ARID1B: variants seen among roughly 807,000 people sequenced by gnomAD.
ARID1B encodes AT-rich interaction domain 1B, also known as AT-rich interactive domain-containing protein 1B.
ARID1B carries 30 observed loss-of-function variants against 212.3 expected under a neutral mutation model. The observed-to-expected ratio is 0.14, with a 90% CI of 0.11 to 0.19. ARID1B has a LOEUF of 0.19. Ranked by LOEUF, ARID1B falls within the 10% of genes least tolerant of loss-of-function variation. The probability of loss-of-function intolerance (pLI) is 1.00; values close to 1 mark genes in which losing one functional copy is unlikely to be tolerated. For missense variants in ARID1B, 2,891 were observed against 3,204.0 expected (o/e 0.90, Z 2.36); for synonymous variants, 1,402 against 1,301.7 (o/e 1.08, Z -1.66).
rs1035771303 is a variant in ARID1B, at chr6:157,114,971, C to T, written c.2581+4410C>T. On this transcript the variant is annotated intron_variant, in intron 6 of 19. Transcript: ENST00000636930. ...TCTTTTCTACTTGGTCCTGTGTTCC[C>T]GTTCAGGAAGAGCATATGTTAATAA... Among the ~76,000 whole-genome samples the T allele has an allele frequency of 2.0e-5, 3 of 152,278 alleles. No individual in the cohort carries two copies. In the South Asian group the frequency reaches 6.2e-4, roughly 32 times the overall value.
At chr6:157,178,273 GAAA>G (rs543085984) in intron 11 of ARID1B, among the ~76,000 whole-genome samples, 1 of 149,218 alleles carries the variant, frequency 6.7e-6, no homozygotes, top group Admixed American at 6.7e-5. Flanking sequence ...ATCACTCATG[GAAA>G]AAAAAAATGC....
chr6:157,133,359 CT>C, intron 7 of ARID1B, 152 bp downstream of exon 7: 1 of 820,052 alleles, frequency 1.2e-6, no homozygotes, highest in Non-Finnish European at 1.8e-6. Context: ...GCCCACAGTA[CT>C]TTAGCTGCCC....
intron 1 of ARID1B, among the ~76,000 whole-genome samples, chr6:156,810,000 T>C (rs1363324602): frequency 6.6e-6 from 1 of 152,176 alleles, no homozygotes; most frequent in African/African-American, 2.4e-5. Context: ...GGAATCAGAT[T>C]CAGGAGGGAG....
At chr6:157,008,749 C>A (rs552093894) in intron 4 of ARID1B, among the ~76,000 whole-genome samples, 1 of 151,876 alleles carries the variant, frequency 6.6e-6, no homozygotes, top group Non-Finnish European at 1.5e-5. Flanking sequence ...GGTACGGGAT[C>A]GGCGGGGGAG....
At chr6:156,803,000 G>A (rs1211588783) in intron 1 of ARID1B, among the ~76,000 whole-genome samples, 1 of 152,062 alleles carries the variant, frequency 6.6e-6, no homozygotes, top group African/African-American at 2.4e-5. Flanking sequence ...ATGTTTCCAT[G>A]TAGTTTTTAT....
chr6:156,988,741 A>G (rs1371140513), intron 4 of ARID1B, among the ~76,000 whole-genome samples: 1 of 152,170 alleles, frequency 6.6e-6, no homozygotes. Context: ...CACTTCCGAC[A>G]CACTTCAGCA....
intron 11 of ARID1B, among the ~76,000 whole-genome samples, chr6:157,180,377 A>C (rs1457330647): frequency 1.3e-5 from 2 of 149,558 alleles, no homozygotes; most frequent in African/African-American, 2.5e-5. Context: ...CTAAAAAAAA[A>C]AAACAAAAAA....
intron 1 of ARID1B, among the ~76,000 whole-genome samples, chr6:156,817,070 G>A (rs539833571): frequency 3.9e-4 from 58 of 147,108 alleles, no homozygotes; most frequent in Admixed American, 3.0e-3. Flanking sequence ...CATCCCATTT[G>A]CCCTTTAATT....
intron 5 of ARID1B, among the ~76,000 whole-genome samples, chr6:157,107,024 T>G (rs2128508462): frequency 6.6e-6 from 1 of 152,360 alleles, no homozygotes; most frequent in African/African-American, 2.4e-5. Flanking sequence ...CAAAAAATAC[T>G]TAACCAACTA....
chr6:157,060,264 A>G lies in ARID1B; in HGVS notation c.2248-24398A>G, dbSNP rs1783253355. Among the ~76,000 whole-genome samples the G allele has an allele frequency of 2.0e-5, 3 of 152,190 alleles. No individual in the cohort carries two copies. The South Asian group carries it at 6.2e-4, about 32-fold the overall frequency. On this transcript the variant is annotated intron_variant, in intron 4 of 19. Transcript: ENST00000636930. ...CTCTCAGCTCTGAATTCAGAAACCA[A>G]TACGATGGTAAAGCAGAGAGTGTTC...
rs1793279223 is a variant in ARID1B, at chr6:157,190,456, G to T, written c.4231+246G>T. On this transcript the variant is annotated intron_variant, in intron 15 of 19. Transcript: ENST00000636930. The surrounding 1 kb of genome is among the most constrained non-coding windows in gnomAD (Gnocchi z 4.6). ...CCCTGGCACATGCTCCCTGTTTCCG[G>T]ATACCTGCCACCTCCTTACACGTGC... Among the ~76,000 whole-genome samples, 1 of 152,204 alleles carries T rather than the reference G, an allele frequency of 6.6e-6. No individual in the cohort carries two copies. The highest frequency in any genetic ancestry group is 2.4e-5 in the African/African-American group (1 of 41,442).
chr6:157,066,604 T>C (rs1583245757), intron 4 of ARID1B, among the ~76,000 whole-genome samples: 1 of 152,196 alleles, frequency 6.6e-6, no homozygotes, highest in Admixed American at 6.5e-5. Context: ...TTCATGGTGG[T>C]CTTTTGTTCC....
rs1426700863 is a variant in ARID1B, at chr6:157,140,561, C to T, written c.2761+7354C>T. The T allele has an allele frequency of 7.5e-6, 3 of 398,394 alleles. No homozygotes were observed. The East Asian group carries it at 1.1e-4, about 14-fold the overall frequency. 24.7% of individuals were successfully genotyped at this position (398,394 alleles called of 1,614,324 possible). On this transcript the variant is annotated intron_variant, in intron 7 of 19. Transcript: ENST00000636930. ...CCAACCATAGTTACTATATTTTTTT[C>T]CCTGCAGCAACCACATGAGACAGAG...
chr6:156,988,564 C>T (rs1293763335), intron 4 of ARID1B, among the ~76,000 whole-genome samples: 2 of 152,170 alleles, frequency 1.3e-5, no homozygotes, highest in Non-Finnish European at 2.9e-5. Context: ...AAAAGTCTTA[C>T]TAGCAAGGAG....
intron 5 of ARID1B, among the ~76,000 whole-genome samples, chr6:157,086,984 C>T (rs1544041): frequency 0.82 from 124,510 of 152,200 alleles, 51,109 homozygotes; most frequent in East Asian, 0.97. Flanking sequence ...CTTTCTTGGA[C>T]ACGTTATTTA....
chr6:156,861,491 G>T (rs994523855), intron 2 of ARID1B, among the ~76,000 whole-genome samples: 1 of 152,128 alleles, frequency 6.6e-6, no homozygotes, highest in South Asian at 2.1e-4. Flanking sequence ...CTAGCCTGTG[G>T]TCTCAGCTAC....
intron 2 of ARID1B, among the ~76,000 whole-genome samples, chr6:156,864,314 T>C (rs1466256717): frequency 6.6e-6 from 1 of 152,212 alleles, no homozygotes; most frequent in Admixed American, 6.5e-5. Flanking sequence ...AATTGTTATC[T>C]TGTCTTTCAG....
At chr6:156,893,574 A>G (rs904953631) in intron 2 of ARID1B, among the ~76,000 whole-genome samples, 5 of 151,768 alleles carry the variant, frequency 3.3e-5, no homozygotes, top group Middle Eastern at 3.4e-3. Context: ...AAACACTCCT[A>G]TCAACAGCAA....
chr6:156,997,962 A>T (rs889897878), intron 4 of ARID1B, among the ~76,000 whole-genome samples: 14 of 152,220 alleles, frequency 9.2e-5, no homozygotes, highest in Admixed American at 2.6e-4. Flanking sequence ...GAATGGGTGC[A>T]AATAAATTCT....
Sources: gnomAD v4.1 joint callset for allele counts (sites outside exome capture counted in the v4.1 genomes callset) on GRCh38, gnomAD v4.1.1 for gene constraint, Gnocchi (gnomAD v3.1) non-coding constraint, MANE v1.5 for transcripts, NCBI Gene and HGNC (gene_info 2026-07-23, HGNC 2026-07-21) for gene names.